The following KLHL1 variants were observed in gnomAD, a reference collection of about 807,000 sequenced individuals.
The protein encoded by KLHL1 is kelch like family member 1.
In KLHL1, 47 loss-of-function variants were observed where a neutral mutation model predicts 77.7. The ratio of observed to expected loss-of-function variants is 0.60; its 90% confidence interval spans 0.48 to 0.77. The LOEUF (loss-of-function observed/expected upper bound fraction) is 0.77, where lower values mean the gene tolerates loss of function less well. Ranked by LOEUF, KLHL1 falls within the 30% of genes least tolerant of loss-of-function variation. The pLI is 0.00. For synonymous variants in KLHL1, 360 were observed against 325.2 expected (o/e 1.11, Z -1.15); for missense variants, 925 against 910.8 (o/e 1.02, Z -0.20).
chr13:70,011,130 C>A (rs898380254), intron 1 of KLHL1, among the ~76,000 whole-genome samples: 2 of 151,836 alleles, frequency 1.3e-5, no homozygotes, highest in Non-Finnish European at 2.9e-5. Context: ...GTAAAATGTC[C>A]AAGAACAAAG....
At chr13:70,043,041 G>T (rs1328028874) in intron 1 of KLHL1, among the ~76,000 whole-genome samples, 1 of 152,164 alleles carries the variant, frequency 6.6e-6, no homozygotes, top group Non-Finnish European at 1.5e-5. Flanking sequence ...GAGTAGCTGG[G>T]ATTATAGGCG....
chr13:69,933,013 G>C (rs1883054258), intron 4 of KLHL1, among the ~76,000 whole-genome samples: 1 of 151,778 alleles, frequency 6.6e-6, no homozygotes, highest in Admixed American at 6.6e-5. Context: ...AGGAAGAAGA[G>C]AAATTTCCTT....
chr13:69,730,060 A>G (rs2137912310), intron 8 of KLHL1, among the ~76,000 whole-genome samples: 1 of 152,318 alleles, frequency 6.6e-6, no homozygotes, highest in East Asian at 1.9e-4. Context: ...AACTAGATAG[A>G]CAATTTAGTC....
intron 4 of KLHL1, chr13:69,895,007 T>C (rs1881579515): frequency 3.9e-6 from 2 of 506,712 alleles, no homozygotes; most frequent in Non-Finnish European, 3.9e-6. Flanking sequence ...GACACGGTGG[T>C]ATGATTGTCA....
intron 1 of KLHL1, among the ~76,000 whole-genome samples, chr13:70,103,237 T>C (rs1887966992): frequency 6.6e-6 from 1 of 152,056 alleles, no homozygotes; most frequent in Non-Finnish European, 1.5e-5. Context: ...CCAGAGGCAG[T>C]GAAAAATTAT....
intron 6 of KLHL1, among the ~76,000 whole-genome samples, chr13:69,837,404 T>C (rs1370124106): frequency 6.6e-6 from 1 of 151,382 alleles, no homozygotes; most frequent in African/African-American, 2.4e-5. Context: ...TTTAATAACA[T>C]AATTTCACAC....
chr13:70,050,914 A>G (rs1037464484), intron 1 of KLHL1, among the ~76,000 whole-genome samples: 21 of 151,986 alleles, frequency 1.4e-4, no homozygotes, highest in African/African-American at 5.1e-4. Flanking sequence ...TGAATCTCAT[A>G]TTTGTCATAG....
rs1593841024 is a variant in KLHL1, at chr13:69,797,053, C to A, written c.1415-91G>T. ...GGGTACAAATTAGGATGTGAAAACA[C>A]TCTTGTCATATTCATTTTTTTTAAA... On this transcript the variant is annotated intron_variant, in intron 6 of 10. Transcript: ENST00000377844. 1.6e-5 allele frequency: 16 copies of A among 996,198 alleles called. No homozygotes were observed. In the South Asian group the frequency reaches 2.4e-4, roughly 15 times the overall value. The allele number at this position is 996,198 out of a possible 1,614,324, so 61.7% of individuals were successfully genotyped here. A position where few individuals can be genotyped will look rare whatever the true frequency, so the allele number is the denominator to read the frequency against.
chr13:69,862,756 T>C (rs951460372), intron 5 of KLHL1, among the ~76,000 whole-genome samples: 3 of 151,992 alleles, frequency 2.0e-5, no homozygotes, highest in Non-Finnish European at 2.9e-5. Context: ...CTCTCTCTGT[T>C]TGTTTCTTCA....
chr13:69,988,815 TTG>T (rs1252918284), intron 1 of KLHL1, among the ~76,000 whole-genome samples: 3 of 152,104 alleles, frequency 2.0e-5, no homozygotes, highest in Non-Finnish European at 2.9e-5. Flanking sequence ...TGTTTGATTT[TTG>T]TGTGTGTGTT....
At chr13:69,703,518 TTAGTG>T (rs1875493664) in intron 10 of KLHL1, among the ~76,000 whole-genome samples, 1 of 151,502 alleles carries the variant, frequency 6.6e-6, no homozygotes, top group South Asian at 2.1e-4. Flanking sequence ...TAAAATAAGT[TTAGTG>T]TAGCCTAAGT....
Position 69,740,387 on chromosome 13 carries a change from T to G in KLHL1, c.1802+7A>C. 6.5e-7 allele frequency: 1 copy of G among 1,527,220 alleles called. No homozygotes were observed. Among genetic ancestry groups the G allele is most frequent in the Non-Finnish European group, 8.9e-7 (1 of 1,129,400 alleles). 94.6% of individuals were successfully genotyped at this position (1,527,220 alleles called of 1,614,324 possible). ...AAGATTAAAAAATAAGAAAAAAATT[T>G]ACTTACTTGCCATTCAATGCTGCTA... On this transcript the variant is annotated splice_region_variant and intron_variant, in intron 8 of 10. Transcript: ENST00000377844.
intron 1 of KLHL1, among the ~76,000 whole-genome samples, chr13:70,086,010 C>T (rs1415678903): frequency 6.6e-6 from 1 of 152,090 alleles, no homozygotes; most frequent in Non-Finnish European, 1.5e-5. Context: ...AATTATATAA[C>T]TTACATAATT....
chr13:69,842,755 AT>A (rs1274561314), intron 5 of KLHL1, among the ~76,000 whole-genome samples: 1 of 151,900 alleles, frequency 6.6e-6, no homozygotes, highest in Non-Finnish European at 1.5e-5. Context: ...TTGCAGCACT[AT>A]TTATAATAGC....
chr13:69,716,704 T>C (rs1350201491), intron 9 of KLHL1, among the ~76,000 whole-genome samples: 1 of 152,194 alleles, frequency 6.6e-6, no homozygotes, highest in Non-Finnish European at 1.5e-5. Context: ...GCATATTTTC[T>C]GATCTGTTGC....
chr13:69,788,865 C>G (rs972638463), intron 7 of KLHL1, among the ~76,000 whole-genome samples: 2 of 151,976 alleles, frequency 1.3e-5, no homozygotes. Flanking sequence ...ATACAGGGGA[C>G]CTTTTTCTGA....
At chr13:69,892,360 A>G (rs989262778) in intron 4 of KLHL1, among the ~76,000 whole-genome samples, 4 of 152,216 alleles carry the variant, frequency 2.6e-5, no homozygotes, top group African/African-American at 9.6e-5. Context: ...ACCTGATCAT[A>G]TAATTTTTCT....
intron 7 of KLHL1, among the ~76,000 whole-genome samples, chr13:69,782,306 C>G (rs1876261837): frequency 6.6e-6 from 1 of 152,216 alleles, no homozygotes; most frequent in African/African-American, 2.4e-5. Context: ...GAGTGCCAGA[C>G]AGTGGGCGCA....
At chr13:70,062,162 C>T (rs539286201) in intron 1 of KLHL1, among the ~76,000 whole-genome samples, 7 of 152,170 alleles carry the variant, frequency 4.6e-5, no homozygotes, top group Admixed American at 6.5e-5. Flanking sequence ...ATGGGAAGCA[C>T]GCTTGTATTT....
Sources: allele counts gnomAD v4.1 joint callset (sites outside exome capture counted in the v4.1 genomes callset), GRCh38; gene constraint gnomAD v4.1.1; transcripts MANE v1.5; gene names NCBI Gene and HGNC (gene_info 2026-07-23, HGNC 2026-07-21).